The following RCCD1 variants were observed in gnomAD, a reference collection of about 807,000 sequenced individuals.
The protein encoded by RCCD1 is RCC1 domain containing 1, also known as RCC1 domain-containing protein 1.
A neutral mutation model predicts 37.6 loss-of-function variants in RCCD1; 40 were observed. The ratio of observed to expected loss-of-function variants is 1.06; its 90% CI spans 0.83 to 1.39. The LOEUF (loss-of-function observed/expected upper bound fraction) is 1.39, where lower values mean the gene tolerates loss of function less well. RCCD1 is among the 40% of genes most tolerant of loss of function. RCCD1 has a pLI of 0.00. For synonymous variants in RCCD1, 263 were observed against 230.0 expected (o/e 1.14, Z -1.30); for missense variants, 577 against 517.3 (o/e 1.12, Z -1.12).
At position 90,962,919 on chromosome 15, in the gene RCCD1, G is replaced by T. The variant is rs1317098901; in HGVS notation, c.*1150G>T. 6.6e-6 allele frequency: 1 copy of T among 152,266 alleles called. No homozygotes were observed. The highest frequency in any genetic ancestry group is 6.5e-5 in the Admixed American group (1 of 15,292). 9.4% of individuals were successfully genotyped at this position (152,266 alleles called of 1,614,324 possible). On this transcript the variant is annotated 3_prime_UTR_variant, in exon 8 of 8. Transcript: ENST00000394258. ...GTGATGCTTACTCCATGCCAGGTAAGGCTCAAAGTGCTTTACAAGTATCAA... is the reference window on the plus strand; with the variant it reads ...GTGATGCTTACTCCATGCCAGGTAATGCTCAAAGTGCTTTACAAGTATCAA...
At chr15:90,955,026 T>G (rs2037137089) in intron 1 of RCCD1, 78 bp downstream of exon 1, 1 of 152,290 alleles carries the variant, frequency 6.6e-6, no homozygotes, top group Non-Finnish European at 1.5e-5. Context: ...ATGTCCTCTC[T>G]GTGGTTCTAA....
chr15:90,959,745 C>T, intron 4 of RCCD1, 155 bp from the exon 5 acceptor site: 2 of 537,440 alleles, frequency 3.7e-6, no homozygotes, highest in Non-Finnish European at 6.6e-6. Flanking sequence ...CTAAGACAAG[C>T]CCCTGGGGCC....
intron 4 of RCCD1, among the ~76,000 whole-genome samples, chr15:90,958,338 A>G (rs750337246): frequency 6.6e-6 from 1 of 152,084 alleles, no homozygotes; most frequent in Admixed American, 6.5e-5. Context: ...AAAATTACCA[A>G]TGCCAGGGGG....
intron 4 of RCCD1, among the ~76,000 whole-genome samples, chr15:90,958,692 A>G (rs1340124788): frequency 6.6e-6 from 1 of 151,342 alleles, no homozygotes; most frequent in Non-Finnish European, 1.5e-5. Flanking sequence ...TTCTCATGGA[A>G]TGGGCCTGGG....
rs2037338229 is a variant in RCCD1, at chr15:90,962,654, G to A, written c.*885G>A. 6.6e-6 allele frequency: 1 copy of A among 152,230 alleles called. No homozygotes were observed. 9.4% of individuals were successfully genotyped at this position (152,230 alleles called of 1,614,324 possible). On this transcript the variant is annotated 3_prime_UTR_variant, in exon 8 of 8. Transcript: ENST00000394258. ...CACCTGTAGTCCCAGCACTTTGGGA[G>A]GCTAAGCAGGGAGATTGCTTGAGGC...
At chr15:90,958,943 A>C (rs1251421399) in intron 4 of RCCD1, among the ~76,000 whole-genome samples, 1 of 106,350 alleles carries the variant, frequency 9.4e-6, no homozygotes, top group Non-Finnish European at 1.6e-5. Context: ...GTCTAAAAAA[A>C]AAAAAAAAAC....
At chr15:90,955,827 C>G (rs548641043) in intron 1 of RCCD1, 3 of 152,130 alleles carry the variant, frequency 2.0e-5, no homozygotes, top group African/African-American at 7.2e-5. Context: ...GCTGTCCTCA[C>G]TGGCAGAGGA....
chr15:90,960,058 C>T, intron 5 of RCCD1, 60 bp downstream of exon 5: 1 of 1,376,306 alleles, frequency 7.3e-7, no homozygotes, highest in Non-Finnish European at 1.0e-6. Context: ...ATTCCTAACT[C>T]CTGGCTGTAT....
chr15:90,960,015 C>T lies in RCCD1; in HGVS notation c.778+17C>T, dbSNP rs775792152. ...CAAGGGAAGGTGAGGGTCATCTCGG[C>T]TCCCACAGCCGTCTCCCCAGGATGT... On this transcript the variant is annotated intron_variant, in intron 5 of 7. Coordinates refer to ENST00000394258, the MANE Select transcript of RCCD1 (RefSeq NM_001017919.2). 1.3e-6 allele frequency: 2 copies of T among 1,587,550 alleles called. No individual in the cohort carries two copies. The highest frequency in any genetic ancestry group is 1.7e-6 in the Non-Finnish European group (2 of 1,158,804).
Position 90,961,702 on chromosome 15 carries a change from A to G in RCCD1, c.1064A>G (p.Gln355Arg), listed in dbSNP as rs2037318263. 2 of 1,614,178 alleles carry G rather than the reference A, an allele frequency of 1.2e-6. No homozygotes were observed. The highest frequency in any genetic ancestry group is 1.7e-6 in the Non-Finnish European group (2 of 1,180,018). ...RVEYFVDKQLQVKAVTCGPWN... is the reference protein window; with the variant it reads ...RVEYFVDKQLRVKAVTCGPWN... ...GAATACTTTGTAGATAAGCAACTCC[A>G]AGTAAAGGCTGTCACCTGTGGGCCG... is the stretch of plus-strand genomic sequence containing the variant. Residue 355 changes from glutamine (Q) to arginine (R), a missense_variant, in exon 8 of 8, where the codon CAA becomes CGA. By Grantham distance (43) the Gln-to-Arg change is conservative (BLOSUM62 1). Transcript: ENST00000394258.
In RCCD1 at chr15:90,960,394, C is replaced by T. The variant is rs142701764; in HGVS notation, c.845C>T (p.Ala282Val). The change falls in exon 6 of 8, where the codon GCC (alanine) becomes GTC (valine). Residue 282 changes from alanine (A) to valine (V), a missense_variant. Coordinates refer to ENST00000394258, the MANE Select transcript of RCCD1 (RefSeq NM_001017919.2). ...GGTGGGGCTGAGGATGGAGCCCCTGCCCCCTTCATAGCTGTCCAGCCCTTC... is the reference window on the plus strand; with the variant it reads ...GGTGGGGCTGAGGATGGAGCCCCTGTCCCCTTCATAGCTGTCCAGCCCTTC... ...RTGGAEDGAP[A>V]PFIAVQPFPA... is the part of the protein sequence containing the mutation. 13 of 1,613,618 alleles carry T rather than the reference C, an allele frequency of 8.1e-6. No homozygotes were observed. The highest frequency in any genetic ancestry group is 1.7e-5 in the Admixed American group (1 of 59,986).
At chr15:90,958,758 C>T (rs2037254832) in intron 4 of RCCD1, among the ~76,000 whole-genome samples, 1 of 151,554 alleles carries the variant, frequency 6.6e-6, no homozygotes, top group East Asian at 1.9e-4. Flanking sequence ...GGCAAAACCT[C>T]GTCTTTGTAC....
At position 90,956,858 on chromosome 15, in the gene RCCD1, T is replaced by C; in HGVS notation, c.124T>C (p.Cys42Arg). The change falls in exon 2 of 8, where the codon TGC becomes CGC. Residue 42 changes from cysteine (C) to arginine (R), a missense_variant. Physicochemically the swap from Cys to Arg is radical, Grantham distance 180 (BLOSUM62 -3). Coordinates refer to ENST00000394258, the MANE Select transcript of RCCD1 (RefSeq NM_001017919.2). ...TCCGCTGCGGGCGGGCGTCGACATC[T>C]GCCGCGTGAGCGCGAGCTGGAGCTA... Reference protein sequence around the residue: ...PSPLRAGVDICRVSASWSYTA... With the variant: ...PSPLRAGVDIRRVSASWSYTA... 1 of 1,293,332 alleles carries C rather than the reference T, an allele frequency of 7.7e-7. No homozygotes were observed. The highest frequency in any genetic ancestry group is 9.8e-7 in the Non-Finnish European group (1 of 1,020,448). 80.1% of individuals were successfully genotyped at this position (1,293,332 alleles called of 1,614,324 possible). A position where few individuals can be genotyped will look rare whatever the true frequency, so the allele number is the denominator to read the frequency against.
intron 4 of RCCD1, 146 bp downstream of exon 4, chr15:90,957,871 T>A: frequency 1.8e-6 from 2 of 1,096,564 alleles, no homozygotes; most frequent in Non-Finnish European, 2.6e-6. Flanking sequence ...TAAATGCCTC[T>A]CACCCTCGGC....
Position 90,957,510 on chromosome 15 carries a change from G to C in RCCD1, c.557+7G>C. Reference sequence around the variant, plus strand: ...TCTCCTGGGGCGGGGGCAGGTGAGCGGAGGCGGGGGCAGGTGAGGGCTGCT... The same window carrying C: ...TCTCCTGGGGCGGGGGCAGGTGAGCCGAGGCGGGGGCAGGTGAGGGCTGCT... On this transcript the variant is annotated splice_region_variant and intron_variant, in intron 3 of 7. Coordinates refer to ENST00000394258, the MANE Select transcript of RCCD1 (RefSeq NM_001017919.2). The C allele has an allele frequency of 5.1e-6, 8 of 1,575,430 alleles. No homozygotes were observed. Among genetic ancestry groups the C allele is most frequent in the Non-Finnish European group, 6.9e-6 (8 of 1,162,932 alleles).
intron 6 of RCCD1, chr15:90,960,771 G>A: frequency 1.6e-6 from 1 of 619,242 alleles, no homozygotes. Flanking sequence ...TCTGACAGCA[G>A]GGACTGTCCA....
At chr15:90,958,008 C>G (rs2037237876) in intron 4 of RCCD1, among the ~76,000 whole-genome samples, 1 of 152,206 alleles carries the variant, frequency 6.6e-6, no homozygotes. Context: ...TGTCTCTTAA[C>G]AGTGCTGCCG....
Position 90,960,493 on chromosome 15 carries a change from T to C in RCCD1, c.944T>C (p.Val315Ala). 1 of 1,608,116 alleles carries C rather than the reference T, an allele frequency of 6.2e-7. No individual in the cohort carries two copies. Among genetic ancestry groups the C allele is most frequent in the Non-Finnish European group, 8.5e-7 (1 of 1,179,430 alleles). Residue 315 changes from valine (V) to alanine (A), a missense_variant, in exon 6 of 8, where the codon GTG becomes GCG. By Grantham distance (64) the Val-to-Ala change is moderately conservative. Coordinates refer to ENST00000394258, the MANE Select transcript of RCCD1 (RefSeq NM_001017919.2). Reference protein sequence around the residue: ...ASCGSRHTAVVTRTGELYTWG... With the variant: ...ASCGSRHTAVATRTGELYTWG... ...TGTGGATCCCGGCACACAGCTGTGG[T>C]GACACGTGAGTGGGGCTGGGAGGCA...
At chr15:90,961,594 G>A in intron 7 of RCCD1, 24 bp from the exon 8 acceptor site, 1 of 1,603,644 alleles carries the variant, frequency 6.2e-7, no homozygotes, top group Non-Finnish European at 8.5e-7. Flanking sequence ...GGAGACGATG[G>A]CAAAGGGGCT....
Sources: gnomAD v4.1 joint callset for allele counts (sites outside exome capture counted in the v4.1 genomes callset) on GRCh38, gnomAD v4.1.1 for gene constraint, MANE v1.5 for transcripts, NCBI Gene and HGNC (gene_info 2026-07-23, HGNC 2026-07-21) for gene names.